Variants in SPON1 observed in about 807,000 individuals in gnomAD.
SPON1 encodes spondin 1.
Under a neutral mutation model 111.7 loss-of-function variants are expected in SPON1, and 52 were observed. That is an observed-to-expected ratio of 0.47 (90% confidence interval 0.37 to 0.59). The LOEUF (loss-of-function observed/expected upper bound fraction) is 0.59, where lower values mean the gene tolerates loss of function less well. Ranked by LOEUF, SPON1 falls within the 20% of genes least tolerant of loss-of-function variation. SPON1 has a pLI of 0.00. For missense variants in SPON1, 957 were observed against 1,068.5 expected (o/e 0.90, Z 1.46); for synonymous variants, 410 against 395.8 (o/e 1.04, Z -0.43).
At chr11:14,191,811 C>T (rs1010632566) in intron 6 of SPON1, among the ~76,000 whole-genome samples, 1 of 152,192 alleles carries the variant, frequency 6.6e-6, no homozygotes, top group Non-Finnish European at 1.5e-5. Flanking sequence ...AGACAAGAGA[C>T]AGTCAGAATC....
intron 3 of SPON1, among the ~76,000 whole-genome samples, chr11:14,067,132 A>G (rs9988794): frequency 0.26 from 40,050 of 152,026 alleles, 6,376 homozygotes; most frequent in South Asian, 0.42. Context: ...AGCTGTGTTC[A>G]TGCCACTGCA....
At chr11:14,060,134 A>G (rs1554919693) in intron 3 of SPON1, among the ~76,000 whole-genome samples, 1 of 152,204 alleles carries the variant, frequency 6.6e-6, no homozygotes, top group Non-Finnish European at 1.5e-5. Flanking sequence ...CAACATCATA[A>G]TAATTGTGAG....
At chr11:13,974,242 A>C (rs1848085349) in intron 1 of SPON1, among the ~76,000 whole-genome samples, 1 of 152,222 alleles carries the variant, frequency 6.6e-6, no homozygotes, top group South Asian at 2.1e-4. Flanking sequence ...GTTATAAGTT[A>C]AAGCAGAAGC....
chr11:14,264,783 A>G (rs1174698965), intron 15 of SPON1, among the ~76,000 whole-genome samples: 1 of 152,230 alleles, frequency 6.6e-6, no homozygotes, highest in Admixed American at 6.5e-5. Flanking sequence ...AGCAGTAATC[A>G]AAAGATCTAA....
chr11:14,080,045 GT>G (rs1554921892), intron 5 of SPON1, 24 bp downstream of exon 5: 1 of 1,613,668 alleles, frequency 6.2e-7, no homozygotes, highest in Non-Finnish European at 8.5e-7. Flanking sequence ...CTACTCTGTG[GT>G]TTGGGGAAAA....
chr11:14,077,101 A>G (rs1447325648), intron 4 of SPON1, among the ~76,000 whole-genome samples: 11 of 152,198 alleles, frequency 7.2e-5, no homozygotes, highest in African/African-American at 2.7e-4. Context: ...CCTCTTGTAA[A>G]TGCCTTAGAC....
intron 6 of SPON1, among the ~76,000 whole-genome samples, chr11:14,144,601 G>T (rs938744272): frequency 6.6e-6 from 1 of 150,604 alleles, no homozygotes; most frequent in Non-Finnish European, 1.5e-5. Flanking sequence ...CTGCACTCTA[G>T]CCTGGGTGAC....
chr11:14,236,565 T>C (rs918767781), intron 6 of SPON1, among the ~76,000 whole-genome samples: 4 of 152,210 alleles, frequency 2.6e-5, no homozygotes, highest in Admixed American at 6.5e-5. Context: ...CATCAGCATA[T>C]ACACAGTTGG....
chr11:14,089,492 T>G lies in SPON1; in HGVS notation c.676+9471T>G, dbSNP rs555859814. 6.6e-5 allele frequency among the ~76,000 whole-genome samples: 10 copies of G among 152,326 alleles called. No homozygotes were observed. In the East Asian group the frequency reaches 1.4e-3, roughly 21 times the overall value. On this transcript the variant is annotated intron_variant, in intron 5 of 15. Coordinates refer to ENST00000576479, the MANE Select transcript of SPON1 (RefSeq NM_006108.4). Reference sequence around the variant, plus strand: ...CAGAATCGCAAAAATTGCTGTTTGCTCCTTCTTCTGGAAGCTTCATCCCAG... The same window carrying G: ...CAGAATCGCAAAAATTGCTGTTTGCGCCTTCTTCTGGAAGCTTCATCCCAG...
intron 2 of SPON1, among the ~76,000 whole-genome samples, chr11:14,017,565 G>C (rs1848452456): frequency 6.6e-6 from 1 of 152,154 alleles, no homozygotes; most frequent in African/African-American, 2.4e-5. Flanking sequence ...TGACAGCCTT[G>C]TGATGGAGAC....
chr11:14,093,287 G>A (rs1446703052), intron 5 of SPON1, among the ~76,000 whole-genome samples: 1 of 152,238 alleles, frequency 6.6e-6, no homozygotes, highest in East Asian at 1.9e-4. Flanking sequence ...AACCACATGA[G>A]GGTGTCCTGG....
At chr11:14,144,936 G>A (rs1312402829) in intron 6 of SPON1, among the ~76,000 whole-genome samples, 1 of 152,040 alleles carries the variant, frequency 6.6e-6, no homozygotes, top group Admixed American at 6.6e-5. Flanking sequence ...GGGTTACATT[G>A]ATGACACACA....
At chr11:13,968,081 G>A (rs575763742) in intron 1 of SPON1, among the ~76,000 whole-genome samples, 1 of 152,140 alleles carries the variant, frequency 6.6e-6, no homozygotes, top group Non-Finnish European at 1.5e-5. Flanking sequence ...ACTATGGGCT[G>A]GTATATCAGG....
intron 6 of SPON1, among the ~76,000 whole-genome samples, chr11:14,186,892 G>C (rs992113572): frequency 1.3e-5 from 2 of 152,212 alleles, no homozygotes; most frequent in African/African-American, 4.8e-5. Flanking sequence ...TTTTGCAGGA[G>C]AGGAAACTGA....
intron 1 of SPON1, among the ~76,000 whole-genome samples, chr11:13,973,521 G>A (rs75486091): frequency 0.01 from 1,585 of 152,292 alleles, 22 homozygotes; most frequent in African/African-American, 0.036. Flanking sequence ...GTTCCACGAC[G>A]AGGTCACACA....
intron 6 of SPON1, among the ~76,000 whole-genome samples, chr11:14,170,680 A>C (rs1341713261): frequency 3.9e-5 from 6 of 151,994 alleles, no homozygotes. Context: ...ATCAATACCT[A>C]ATTTATTGAG....
intron 5 of SPON1, among the ~76,000 whole-genome samples, chr11:14,100,881 A>C (rs1849138044): frequency 6.6e-6 from 1 of 152,218 alleles, no homozygotes; most frequent in South Asian, 2.1e-4. Context: ...TAAGACCTGC[A>C]TTCAGAAACA....
intron 6 of SPON1, among the ~76,000 whole-genome samples, chr11:14,160,933 TTA>T (rs1396884175): frequency 0.024 from 520 of 21,414 alleles, 77 homozygotes; most frequent in Non-Finnish European, 0.031. Flanking sequence ...ATTTATATAT[TTA>T]TATATATATT....
chr11:14,239,115 A>T (rs1278115322), intron 6 of SPON1, among the ~76,000 whole-genome samples: 1 of 152,158 alleles, frequency 6.6e-6, no homozygotes, highest in Non-Finnish European at 1.5e-5. Context: ...GCCTTCCATC[A>T]TATGCTCCCT....
Sources: allele counts gnomAD v4.1 joint callset (sites outside exome capture counted in the v4.1 genomes callset), GRCh38; gene constraint gnomAD v4.1.1; transcripts MANE v1.5; gene names NCBI Gene and HGNC (gene_info 2026-07-23, HGNC 2026-07-21).